GALNT10: variants seen among roughly 807,000 people sequenced by gnomAD.
GALNT10 encodes GalNAc transferase 10.
GALNT10 carries 41 observed loss-of-function variants against 75.0 expected under a neutral mutation model. The ratio of observed to expected loss-of-function variants is 0.55; its 90% CI spans 0.43 to 0.71. GALNT10 has a LOEUF of 0.71. Among genes scored for constraint, GALNT10 ranks in the 30% least tolerant of loss-of-function variants. GALNT10 has a pLI of 0.00. For missense variants in GALNT10, 727 were observed against 818.5 expected (o/e 0.89, Z 1.36); for synonymous variants, 302 against 313.0 (o/e 0.96, Z 0.37).
At chr5:154,335,394 T>C (rs1051587065) in intron 4 of GALNT10, among the ~76,000 whole-genome samples, 3 of 152,084 alleles carry the variant, frequency 2.0e-5, no homozygotes, top group African/African-American at 7.2e-5. Context: ...CCAGGCAATG[T>C]AGAGTACAGA....
At chr5:154,335,366 G>A (rs565715776) in intron 4 of GALNT10, among the ~76,000 whole-genome samples, 61 of 152,272 alleles carry the variant, frequency 4.0e-4, no homozygotes, top group Non-Finnish European at 7.6e-4. Context: ...CATGAAATAC[G>A]TGCTACCTGG....
At chr5:154,318,579 G>GT (rs1170912120) in intron 3 of GALNT10, among the ~76,000 whole-genome samples, 1 of 152,212 alleles carries the variant, frequency 6.6e-6, no homozygotes, top group African/African-American at 2.4e-5. Context: ...TCCCTACATT[G>GT]TAAGATTATT....
chr5:154,312,481 G>A (rs1463992716), intron 3 of GALNT10, among the ~76,000 whole-genome samples: 1 of 151,908 alleles, frequency 6.6e-6, no homozygotes, highest in East Asian at 1.9e-4. Context: ...TGGGGCTTAG[G>A]GTTTTGTTTT....
In GALNT10 at chr5:154,417,143, CCT is replaced by C; in HGVS notation, c.*172_*173del. The C allele has an allele frequency of 3.2e-6, 2 of 618,318 alleles. No homozygotes were observed. Among genetic ancestry groups the C allele is most frequent in the Middle Eastern group, 4.4e-4 (1 of 2,260 alleles). 38.3% of individuals were successfully genotyped at this position (618,318 alleles called of 1,614,324 possible). A position where few individuals can be genotyped will look rare whatever the true frequency, so the allele number is the denominator to read the frequency against. On this transcript the variant is annotated 3_prime_UTR_variant, in exon 12 of 12. Coordinates refer to ENST00000297107, the MANE Select transcript of GALNT10 (RefSeq NM_198321.4). ...CTGGGGTCTGCCTGGTCCTTGAGCC[CCT>C]GAGTTGTGGGGGTAGGGTGAAGAGC...
chr5:154,368,579 G>A (rs993264220), intron 4 of GALNT10, among the ~76,000 whole-genome samples: 1 of 152,136 alleles, frequency 6.6e-6, no homozygotes, highest in Admixed American at 6.5e-5. Flanking sequence ...GAAAACAAAG[G>A]TCCTCTAGCT....
intron 3 of GALNT10, among the ~76,000 whole-genome samples, chr5:154,312,900 C>A (rs577223772): frequency 6.6e-6 from 1 of 152,342 alleles, no homozygotes; most frequent in East Asian, 1.9e-4. Flanking sequence ...CTGCTGTCAT[C>A]CTTGGTTTAA....
rs1754406548 is a variant in GALNT10 at position 154,304,761 on chromosome 5, G to A, written c.401+6682G>A. ...TTAAAACATGTGTAAAATAAAATGT[G>A]TGCCAACATAAAGATTGAAGGGGAG... On this transcript the variant is annotated intron_variant, in intron 3 of 11. Coordinates refer to ENST00000297107, the MANE Select transcript of GALNT10 (RefSeq NM_198321.4). Among the ~76,000 whole-genome samples the A allele has an allele frequency of 2.0e-5, 3 of 152,178 alleles. No individual in the cohort carries two copies. The South Asian group carries it at 6.2e-4, about 32-fold the overall frequency.
At chr5:154,206,579 C>T (rs1368774013) in intron 1 of GALNT10, among the ~76,000 whole-genome samples, 3 of 152,226 alleles carry the variant, frequency 2.0e-5, no homozygotes, top group African/African-American at 2.4e-5. Context: ...TCAGGAAGGA[C>T]TTCTGAAAGG....
chr5:154,386,947 C>G (rs1201394226), intron 7 of GALNT10: 4 of 166,086 alleles, frequency 2.4e-5, no homozygotes, highest in Middle Eastern at 2.5e-3. Context: ...TCATCAGGAG[C>G]TATCTGACTT....
chr5:154,288,129 A>G (rs542867629), intron 1 of GALNT10, among the ~76,000 whole-genome samples: 1 of 152,294 alleles, frequency 6.6e-6, no homozygotes, highest in South Asian at 2.1e-4. Flanking sequence ...CCTGGTCTCT[A>G]ACACAGCCTC....
intron 1 of GALNT10, among the ~76,000 whole-genome samples, chr5:154,275,455 C>A (rs1753935603): frequency 6.6e-6 from 1 of 152,220 alleles, no homozygotes; most frequent in South Asian, 2.1e-4. Flanking sequence ...TGGTGAATTG[C>A]ATGTGACACA....
chr5:154,317,141 G>C, intron 3 of GALNT10, among the ~76,000 whole-genome samples: 1 of 152,166 alleles, frequency 6.6e-6, no homozygotes, highest in Admixed American at 6.5e-5. Context: ...AGCAGAGTCA[G>C]GATTTGAACC....
At chr5:154,389,598 C>T (rs1171503601) in intron 7 of GALNT10, 1 of 149,946 alleles carries the variant, frequency 6.7e-6, no homozygotes, top group African/African-American at 2.4e-5. Context: ...AAAAAAAAAT[C>T]AAAAACCTTT....
intron 3 of GALNT10, among the ~76,000 whole-genome samples, chr5:154,301,474 A>C (rs1244015191): frequency 6.6e-6 from 1 of 151,994 alleles, no homozygotes; most frequent in East Asian, 1.9e-4. Context: ...ACAATATGTA[A>C]TGATCAAGTC....
In GALNT10 at chr5:154,420,885, C is replaced by T. The variant is rs577852622; in HGVS notation, c.*3913C>T. The T allele has an allele frequency of 1.3e-5, 2 of 152,348 alleles. No homozygotes were observed. Among genetic ancestry groups the T allele is most frequent in the East Asian group, 3.9e-4 (2 of 5,188 alleles). 9.4% of individuals were successfully genotyped at this position (152,348 alleles called of 1,614,324 possible). A position where few individuals can be genotyped will look rare whatever the true frequency, so the allele number is the denominator to read the frequency against. ...GCCAAAAGCTCAAGACCACCAGCCT[C>T]TCCTCCTGCCTGGAAAAATAAGCCT... On this transcript the variant is annotated 3_prime_UTR_variant, in exon 12 of 12. Transcript: ENST00000297107.
intron 1 of GALNT10, among the ~76,000 whole-genome samples, chr5:154,259,279 T>G: frequency 6.6e-6 from 1 of 152,180 alleles, no homozygotes; most frequent in East Asian, 1.9e-4. Context: ...CCAGTTTGGC[T>G]TTGTCTGATG....
At chr5:154,288,550 AATGTGATTTCC>A (rs1311347171) in intron 1 of GALNT10, among the ~76,000 whole-genome samples, 1 of 151,630 alleles carries the variant, frequency 6.6e-6, no homozygotes, top group African/African-American at 2.4e-5. Context: ...TTTATTATTT[AATGTGATTTCC>A]ACATTGATTC....
rs746968961 is a variant in GALNT10 at position 154,409,803 on chromosome 5, T to C, written c.1386+41T>C. The C allele has an allele frequency of 2.3e-6, 3 of 1,305,624 alleles. No individual in the cohort carries two copies. The highest frequency in any genetic ancestry group is 3.3e-6 in the Non-Finnish European group (3 of 900,278). The allele number at this position is 1,305,624 out of a possible 1,614,324, so 80.9% of individuals were successfully genotyped here. On this transcript the variant is annotated intron_variant, in intron 9 of 11. Coordinates refer to ENST00000297107, the MANE Select transcript of GALNT10 (RefSeq NM_198321.4). The surrounding 1 kb of genome is among the most constrained non-coding windows in gnomAD (Gnocchi z 4.5). ...AGGGCTGGCTCCATAATTTAATGGG[T>C]GTGCAAAATGCAAATGCAGATCCCA...
intron 1 of GALNT10, among the ~76,000 whole-genome samples, chr5:154,212,647 G>C (rs116035096): frequency 6.6e-6 from 1 of 152,194 alleles, no homozygotes; most frequent in Non-Finnish European, 1.5e-5. Context: ...AAGTGAGTGA[G>C]TTACAGCTTG....
Sources: gnomAD v4.1 joint callset for allele counts (sites outside exome capture counted in the v4.1 genomes callset) on GRCh38, gnomAD v4.1.1 for gene constraint, Gnocchi (gnomAD v3.1) non-coding constraint, MANE v1.5 for transcripts, NCBI Gene and HGNC (gene_info 2026-07-23, HGNC 2026-07-21) for gene names.